The following ME1 variants were observed in gnomAD, a reference collection of about 807,000 sequenced individuals.
The protein encoded by ME1 is NADP-dependent malic enzyme.
Under a neutral mutation model 66.4 loss-of-function variants are expected in ME1, and 74 were observed. The observed-to-expected ratio is 1.11, with a 90% CI of 0.92 to 1.35. ME1 has a LOEUF of 1.35. ME1 is among the 40% of genes most tolerant of loss of function. ME1 has a pLI of 0.00. For synonymous variants in ME1, 251 were observed against 235.6 expected (o/e 1.07, Z -0.60); for missense variants, 750 against 694.1 (o/e 1.08, Z -0.90).
chr6:83,307,542 A>C (rs1457383685), intron 6 of ME1, among the ~76,000 whole-genome samples: 2 of 152,178 alleles, frequency 1.3e-5, no homozygotes, highest in African/African-American at 4.8e-5. Flanking sequence ...ACTCATGCTG[A>C]TCAAAGTGAC....
chr6:83,420,916 GT>G (rs899211049), intron 1 of ME1, among the ~76,000 whole-genome samples: 14 of 151,394 alleles, frequency 9.2e-5, no homozygotes, highest in African/African-American at 2.7e-4. Flanking sequence ...TTTGTTTTTT[GT>G]TTTTTTGTTT....
chr6:83,214,641 C>T (rs2128522280), intron 13 of ME1, among the ~76,000 whole-genome samples: 1 of 152,168 alleles, frequency 6.6e-6, no homozygotes, highest in East Asian at 1.9e-4. Flanking sequence ...TTTTTATTTC[C>T]TTTCTATACT....
At chr6:83,243,717 T>C (rs1159908670) in intron 7 of ME1, among the ~76,000 whole-genome samples, 12 of 132,676 alleles carry the variant, frequency 9.0e-5, no homozygotes, top group African/African-American at 3.4e-4. Flanking sequence ...TATTAAATAA[T>C]TGTGTATTTA....
At chr6:83,296,398 A>C (rs1471118210) in intron 6 of ME1, among the ~76,000 whole-genome samples, 3 of 152,236 alleles carry the variant, frequency 2.0e-5, no homozygotes, top group African/African-American at 7.2e-5. Flanking sequence ...TCATCACATA[A>C]ACAGAACTAA....
Position 83,211,937 on chromosome 6 carries a change from T to G in ME1, c.1706A>C (p.Lys569Thr). ...TTTGCTATTATCCTACTGGTCAACT[T>G]TGGTCTGTATTTTCTGCACCTCTTC... Reference protein sequence around the residue: ...WPEEVQKIQTKVDQ With the variant: ...WPEEVQKIQTTVDQ The change falls in exon 14 of 14, where the codon AAA becomes ACA. Residue 569 changes from lysine to threonine, a missense_variant. Lys to Thr is a moderately conservative substitution (Grantham distance 78, BLOSUM62 -1). Coordinates refer to ENST00000369705, the MANE Select transcript of ME1 (RefSeq NM_002395.6). The G allele has an allele frequency of 6.3e-7, 1 of 1,595,652 alleles. No individual in the cohort carries two copies. Among genetic ancestry groups the G allele is most frequent in the Non-Finnish European group, 8.5e-7 (1 of 1,169,906 alleles).
At chr6:83,327,569 A>C (rs1414535604) in intron 5 of ME1, among the ~76,000 whole-genome samples, 2 of 152,110 alleles carry the variant, frequency 1.3e-5, no homozygotes, top group Non-Finnish European at 2.9e-5. Flanking sequence ...CCGCCTAACA[A>C]ATTTTGGTCA....
chr6:83,359,695 T>G (rs1297212739), intron 3 of ME1, among the ~76,000 whole-genome samples: 1 of 152,176 alleles, frequency 6.6e-6, no homozygotes, highest in East Asian at 1.9e-4. Flanking sequence ...GATTAGTCAC[T>G]TTAGACTGAC....
At chr6:83,217,242 C>T (rs1308220010) in intron 12 of ME1, among the ~76,000 whole-genome samples, 5 of 152,158 alleles carry the variant, frequency 3.3e-5, no homozygotes, top group Non-Finnish European at 7.4e-5. Context: ...TTCTCTCCAG[C>T]TCTAAGACTT....
At chr6:83,309,146 A>G (rs1425905901) in intron 6 of ME1, among the ~76,000 whole-genome samples, 1 of 152,170 alleles carries the variant, frequency 6.6e-6, no homozygotes, top group Non-Finnish European at 1.5e-5. Context: ...TTCTGAATAA[A>G]ATGATAAGCT....
chr6:83,273,925 A>C (rs1767130284), intron 6 of ME1, among the ~76,000 whole-genome samples: 1 of 152,166 alleles, frequency 6.6e-6, no homozygotes, highest in Non-Finnish European at 1.5e-5. Flanking sequence ...ACAGTGTAAA[A>C]GTGAGTTTTC....
At chr6:83,219,442 C>A (rs913381547) in intron 12 of ME1, among the ~76,000 whole-genome samples, 3 of 152,074 alleles carry the variant, frequency 2.0e-5, no homozygotes, top group Non-Finnish European at 4.4e-5. Context: ...AATTAATTAA[C>A]CTTTTTAGAC....
At chr6:83,387,599 T>C (rs759984326) in intron 3 of ME1, among the ~76,000 whole-genome samples, 4 of 152,082 alleles carry the variant, frequency 2.6e-5, no homozygotes, top group Non-Finnish European at 5.9e-5. Context: ...AAATTACATA[T>C]TAAGTAATAA....
chr6:83,365,652 G>A (rs1276081950), intron 3 of ME1, among the ~76,000 whole-genome samples: 1 of 152,172 alleles, frequency 6.6e-6, no homozygotes, highest in Non-Finnish European at 1.5e-5. Flanking sequence ...TTGAGGCCAG[G>A]AGTTCCTTAC....
intron 5 of ME1, among the ~76,000 whole-genome samples, chr6:83,344,712 T>C (rs561850685): frequency 6.6e-6 from 1 of 152,064 alleles, no homozygotes; most frequent in East Asian, 1.9e-4. Context: ...TGAAACACCC[T>C]CTTTACTAAA....
intron 5 of ME1, among the ~76,000 whole-genome samples, 181 bp downstream of exon 5, chr6:83,345,992 A>T (rs892583449): frequency 6.6e-6 from 1 of 152,194 alleles, no homozygotes; most frequent in East Asian, 1.9e-4. Context: ...CACGTTATTA[A>T]GATGGGAAAA....
chr6:83,251,256 A>T (rs1475895719), intron 7 of ME1, among the ~76,000 whole-genome samples: 3 of 152,116 alleles, frequency 2.0e-5, no homozygotes, highest in African/African-American at 7.2e-5. Flanking sequence ...CCACTTTAGG[A>T]GGCTGAGGCG....
intron 6 of ME1, among the ~76,000 whole-genome samples, chr6:83,302,020 T>A (rs1767730473): frequency 6.6e-6 from 1 of 152,150 alleles, no homozygotes; most frequent in Non-Finnish European, 1.5e-5. Flanking sequence ...ACTCCAGCAC[T>A]ATTCAAAATA....
chr6:83,356,893 C>T (rs1035830332), intron 3 of ME1, among the ~76,000 whole-genome samples: 2 of 152,176 alleles, frequency 1.3e-5, no homozygotes, highest in African/African-American at 4.8e-5. Context: ...ACCATCTAAT[C>T]CTCAGACATC....
intron 6 of ME1, among the ~76,000 whole-genome samples, chr6:83,258,548 C>G (rs1766822870): frequency 6.6e-6 from 1 of 152,092 alleles, no homozygotes; most frequent in Non-Finnish European, 1.5e-5. Context: ...ACAGAAATAA[C>G]ACCCATAAAA....
Sources: allele counts gnomAD v4.1 joint callset (sites outside exome capture counted in the v4.1 genomes callset), GRCh38; gene constraint gnomAD v4.1.1; transcripts MANE v1.5; gene names NCBI Gene and HGNC (gene_info 2026-07-23, HGNC 2026-07-21).